The following PTPRQ variants were observed in gnomAD, a reference collection of about 807,000 sequenced individuals.
PTPRQ encodes the protein phosphatidylinositol phosphatase PTPRQ.
PTPRQ carries 199 observed loss-of-function variants against 246.0 expected under a neutral mutation model. The observed-to-expected ratio is 0.81, with a 90% CI of 0.72 to 0.91. PTPRQ has a LOEUF of 0.91. Among genes scored for constraint, PTPRQ ranks in the 40% least tolerant of loss-of-function variants. The probability of loss-of-function intolerance (pLI) is 0.00; values close to 1 mark genes in which losing one functional copy is unlikely to be tolerated. For synonymous variants in PTPRQ, 869 were observed against 853.2 expected, an observed-to-expected ratio of 1.02 and a Z score of -0.32; for missense variants, 2,624 against 2,528.4, an observed-to-expected ratio of 1.04 and a Z score of -0.81.
At chr12:80,449,345 A>G (rs558781617) in intron 3 of PTPRQ, among the ~76,000 whole-genome samples, 39 of 152,174 alleles carry the variant, frequency 2.6e-4, no homozygotes, top group Admixed American at 1.0e-3. Context: ...CTCTGATGGT[A>G]GTTTCTTTTG....
rs138768101 is a variant in PTPRQ at position 80,599,596 on chromosome 12, A to G, written c.4610-5463A>G. 5.3e-5 allele frequency among the ~76,000 whole-genome samples: 8 copies of G among 152,008 alleles called. 2 individuals carry two copies. Among genetic ancestry groups the G allele is most frequent in the African/African-American group, 1.9e-4 (8 of 41,514 alleles). ...TGTGACACTAGTAATAGTTTACTAT[A>G]TGCTGTGATAAAAGGGAAAATGCTG... is the stretch of plus-strand genomic sequence containing the variant. On this transcript the variant is annotated intron_variant, in intron 26 of 44. Transcript: ENST00000644991.
In PTPRQ at chr12:80,444,261, G is replaced by T; in HGVS notation, c.-85G>T. On this transcript the variant is annotated 5_prime_UTR_variant, in exon 1 of 45. It adds an upstream start codon to the 5' untranslated region. Coordinates refer to ENST00000644991, the MANE Select transcript of PTPRQ (RefSeq NM_001145026.2). Reference sequence around the variant, plus strand: ...CTCATTAATTGTGTACTTGCCAGAAGGATCTGTCTTTAAATCATTAATGCA... The same window carrying T: ...CTCATTAATTGTGTACTTGCCAGAATGATCTGTCTTTAAATCATTAATGCA... 1 of 712,824 alleles carries T rather than the reference G, an allele frequency of 1.4e-6. No individual in the cohort carries two copies. The highest frequency in any genetic ancestry group is 2.5e-6 in the Non-Finnish European group (1 of 407,362). The allele number at this position is 712,824 out of a possible 1,614,324, so 44.2% of individuals were successfully genotyped here. A position where few individuals can be genotyped will look rare whatever the true frequency, so the allele number is the denominator to read the frequency against.
intron 19 of PTPRQ, among the ~76,000 whole-genome samples, chr12:80,538,554 A>G: frequency 6.6e-6 from 1 of 152,190 alleles, no homozygotes; most frequent in East Asian, 1.9e-4. Context: ...ATTTTGTGTG[A>G]GATTGCTATA....
chr12:80,678,475 ATTCTGTGTC>A, intron 43 of PTPRQ, 118 bp from the exon 44 acceptor site: 1 of 1,193,306 alleles, frequency 8.4e-7, no homozygotes, highest in Non-Finnish European at 1.1e-6. Flanking sequence ...ACTATGATAA[ATTCTGTGTC>A]TGTAACTTAG....
At chr12:80,525,434 A>G (rs1377498044) in intron 17 of PTPRQ, among the ~76,000 whole-genome samples, 1 of 152,142 alleles carries the variant, frequency 6.6e-6, no homozygotes, top group African/African-American at 2.4e-5. Context: ...CTTGTGTATA[A>G]TGGCACAGGA....
At chr12:80,612,820 C>G (rs1898604132) in intron 28 of PTPRQ, among the ~76,000 whole-genome samples, 1 of 150,372 alleles carries the variant, frequency 6.7e-6, no homozygotes, top group Admixed American at 6.7e-5. Flanking sequence ...GCTACATCCA[C>G]AAAATGGAAC....
intron 43 of PTPRQ, among the ~76,000 whole-genome samples, chr12:80,676,217 C>A (rs1196599386): frequency 2.0e-5 from 3 of 152,152 alleles, no homozygotes; most frequent in African/African-American, 7.2e-5. Flanking sequence ...AGAGTGATTG[C>A]AGTTTCTATG....
At chr12:80,454,660 AG>A (rs1196724636) in intron 3 of PTPRQ, 6 of 631,710 alleles carry the variant, frequency 9.5e-6, no homozygotes, top group Non-Finnish European at 2.8e-6. Flanking sequence ...TACTTTGTTG[AG>A]GGTTTTTATC....
chr12:80,477,144 T>C (rs895643527), intron 8 of PTPRQ, among the ~76,000 whole-genome samples: 2 of 152,234 alleles, frequency 1.3e-5, no homozygotes, highest in African/African-American at 4.8e-5. Flanking sequence ...TGTTAGTTTG[T>C]TCCTATTTTT....
chr12:80,653,950 T>G (rs900614015), intron 38 of PTPRQ, among the ~76,000 whole-genome samples: 1 of 152,172 alleles, frequency 6.6e-6, no homozygotes, highest in Non-Finnish European at 1.5e-5. Flanking sequence ...GTAAATGATT[T>G]TAAGAGCAAG....
At chr12:80,580,746 A>T (rs1433018123) in intron 25 of PTPRQ, among the ~76,000 whole-genome samples, 2 of 152,212 alleles carry the variant, frequency 1.3e-5, no homozygotes, top group Non-Finnish European at 2.9e-5. Flanking sequence ...ACATGAAAAC[A>T]AAAGGCTGTT....
intron 3 of PTPRQ, among the ~76,000 whole-genome samples, chr12:80,454,886 G>A (rs1021926643): frequency 6.6e-6 from 1 of 152,184 alleles, no homozygotes; most frequent in Non-Finnish European, 1.5e-5. Context: ...TTTAAAAACA[G>A]ATAGCTTCGG....
intron 38 of PTPRQ, among the ~76,000 whole-genome samples, chr12:80,653,618 A>G (rs1900326735): frequency 6.6e-6 from 1 of 152,136 alleles, no homozygotes; most frequent in Non-Finnish European, 1.5e-5. Context: ...ATTTTTGTCT[A>G]TGCTTTTTCA....
chr12:80,626,131 A>G (rs1291442824), intron 33 of PTPRQ, among the ~76,000 whole-genome samples: 1 of 152,190 alleles, frequency 6.6e-6, no homozygotes, highest in Admixed American at 6.5e-5. Context: ...ATTCAGAAAT[A>G]GGGAGTTGCT....
At chr12:80,522,627 G>T (rs1050971797) in intron 17 of PTPRQ, among the ~76,000 whole-genome samples, 2 of 152,018 alleles carry the variant, frequency 1.3e-5, no homozygotes, top group African/African-American at 4.8e-5. Context: ...TAATCATGTG[G>T]TTTTTGTCTT....
chr12:80,583,321 A>T (rs1283632439), intron 25 of PTPRQ, among the ~76,000 whole-genome samples: 1 of 152,212 alleles, frequency 6.6e-6, no homozygotes, highest in Non-Finnish European at 1.5e-5. Context: ...ACAAATAAAC[A>T]TCTATTTTTG....
chr12:80,577,932 CAG>C (rs1297304159), intron 25 of PTPRQ, among the ~76,000 whole-genome samples: 3 of 151,990 alleles, frequency 2.0e-5, no homozygotes, highest in Non-Finnish European at 4.4e-5. Context: ...GCCAGGCTAC[CAG>C]AGAGAGTTGC....
At chr12:80,476,398 C>T (rs936855015) in intron 8 of PTPRQ, among the ~76,000 whole-genome samples, 9 of 152,078 alleles carry the variant, frequency 5.9e-5, no homozygotes, top group Non-Finnish European at 1.3e-4. Context: ...CTTATTCCTT[C>T]CTCTGTCCTC....
chr12:80,494,960 A>G lies in PTPRQ; in HGVS notation c.1568A>G (p.Asp523Gly). ...VVTTRNQYITDIAAEQLSYVI... is the reference protein window; with the variant it reads ...VVTTRNQYITGIAAEQLSYVI... The stretch of plus-strand genomic sequence containing the variant: ...ACTACAAGGAATCAGTATATTACTG[A>G]CATTGCAGCTGAACAGCTGTCTTAT... The change falls in exon 11 of 45, where the codon GAC becomes GGC. Residue 523 changes from aspartate (D) to glycine (G), a missense_variant. Asp to Gly is a moderately conservative substitution (Grantham distance 94, BLOSUM62 -1). Transcript: ENST00000644991. The G allele has an allele frequency of 6.5e-7, 1 of 1,549,798 alleles. No homozygotes were observed. The highest frequency in any genetic ancestry group is 1.4e-5 in the African/African-American group (1 of 73,012).
Sources: gnomAD v4.1 joint callset for allele counts (sites outside exome capture counted in the v4.1 genomes callset) on GRCh38, gnomAD v4.1.1 for gene constraint, MANE v1.5 for transcripts, NCBI Gene and HGNC (gene_info 2026-07-23, HGNC 2026-07-21) for gene names.